HDAC4: variants seen among roughly 807,000 people sequenced by gnomAD.
HDAC4 encodes the protein histone deacetylase A.
In HDAC4, 16 loss-of-function variants were observed where a neutral mutation model predicts 135.1. The ratio of observed to expected loss-of-function variants is 0.12; its 90% CI spans 0.08 to 0.18. The LOEUF is 0.18. HDAC4 is among the 10% of genes least tolerant of loss of function. HDAC4 has a pLI of 1.00. For missense variants in HDAC4, 1,143 were observed against 1,511.8 expected (o/e 0.76, Z 4.05); for synonymous variants, 685 against 653.4 (o/e 1.05, Z -0.74).
At position 239,115,179 on chromosome 2, in the gene HDAC4, C is replaced by T. The variant is rs199929797; in HGVS notation, c.1665G>A (p.Ala555=). The T allele has an allele frequency of 2.5e-5, 40 of 1,611,030 alleles. No homozygotes were observed. The Admixed American group carries it at 3.0e-4, about 12-fold the overall frequency. Residue 555 remains alanine, a synonymous_variant, in exon 13 of 27, where the codon GCG becomes GCA. Transcript: ENST00000543185. This position sits in a 1 kb window ranked among gnomAD's most constrained non-coding sequence, Gnocchi z 6.3. The part of the protein sequence containing the change: ...YLDRLPGQKE[A]HAQAGVQVKQ... Reference sequence around the variant, plus strand: ...TCACCTGCACGCCGGCCTGTGCGTGCGCCTCCTTCTGCCCCGGCAGCCGGT... The same window carrying T: ...TCACCTGCACGCCGGCCTGTGCGTGTGCCTCCTTCTGCCCCGGCAGCCGGT...
chr2:239,157,830 A>C (rs1398137361), intron 6 of HDAC4, among the ~76,000 whole-genome samples: 1 of 152,178 alleles, frequency 6.6e-6, no homozygotes, highest in East Asian at 1.9e-4. Context: ...CAGTGCAAAG[A>C]ATGTGCTGAA....
chr2:239,222,904 AC>A (rs1457283773), intron 3 of HDAC4, among the ~76,000 whole-genome samples: 1 of 152,168 alleles, frequency 6.6e-6, no homozygotes, highest in African/African-American at 2.4e-5. Context: ...AAAACTGGCC[AC>A]ACCTCCTGGA....
intron 14 of HDAC4, among the ~76,000 whole-genome samples, chr2:239,108,531 G>A (rs1313198243): frequency 6.6e-6 from 1 of 152,158 alleles, no homozygotes. Context: ...CCTTGCAGGG[G>A]TGAGCTCTAT....
Position 239,394,574 on chromosome 2 carries a change from C to T in HDAC4, c.-220+6404G>A, listed in dbSNP as rs552929951. ...CTCCCTCCCATTCCTTTCTGCATCA[C>T]AGAATTCCCTCCACTTGCATTTATG... On this transcript the variant is annotated intron_variant, in intron 1 of 26. Transcript: ENST00000543185. Among the ~76,000 whole-genome samples the T allele has an allele frequency of 1.6e-3, 241 of 152,356 alleles. 3 individuals carry two copies. The highest frequency in any genetic ancestry group is 4.0e-3 in the Admixed American group (61 of 15,306).
chr2:239,153,487 C>T (rs368030786), intron 7 of HDAC4, among the ~76,000 whole-genome samples: 49 of 149,974 alleles, frequency 3.3e-4, no homozygotes, highest in African/African-American at 1.1e-3. Context: ...TTAGAATGAG[C>T]GATGTCATGT....
In HDAC4 at chr2:239,052,088, C is replaced by T. The variant is rs570742462; in HGVS notation, c.*1009G>A. On this transcript the variant is annotated 3_prime_UTR_variant, in exon 27 of 27. Transcript: ENST00000543185. ...TCACGACCAGATGGAGATGCTCAAT[C>T]GTATGTGACGTGTGAGAACACTTTG... The T allele has an allele frequency of 1.3e-5, 2 of 152,570 alleles. No individual in the cohort carries two copies. Among genetic ancestry groups the T allele is most frequent in the East Asian group, 1.9e-4 (1 of 5,198 alleles). The allele number at this position is 152,570 out of a possible 1,614,324, so 9.5% of individuals were successfully genotyped here.
chr2:239,087,053 C>T (rs1348860754), intron 19 of HDAC4, among the ~76,000 whole-genome samples: 3 of 152,236 alleles, frequency 2.0e-5, no homozygotes, highest in Non-Finnish European at 4.4e-5. Flanking sequence ...ACTCGCCACC[C>T]TGCCCAGATC....
At chr2:239,107,390 G>A (rs371345056) in intron 15 of HDAC4, among the ~76,000 whole-genome samples, 1 of 152,214 alleles carries the variant, frequency 6.6e-6, no homozygotes, top group Non-Finnish European at 1.5e-5. Context: ...TGGCGGCCAG[G>A]GAAACTGAGG....
intron 2 of HDAC4, among the ~76,000 whole-genome samples, chr2:239,343,061 G>C (rs1163250097): frequency 6.6e-6 from 1 of 152,216 alleles, no homozygotes; most frequent in Non-Finnish European, 1.5e-5. Context: ...TATCACTCCT[G>C]AAGGGCCAGC....
At chr2:239,234,480 C>A (rs1464662650) in intron 3 of HDAC4, among the ~76,000 whole-genome samples, 1 of 152,122 alleles carries the variant, frequency 6.6e-6, no homozygotes, top group Non-Finnish European at 1.5e-5. Context: ...GAGGTCCAGG[C>A]CTTGAACGGG....
At chr2:239,145,685 TGGAGATTTGCACATTAG>T (rs1428947997) in intron 7 of HDAC4, among the ~76,000 whole-genome samples, 3 of 152,212 alleles carry the variant, frequency 2.0e-5, no homozygotes, top group African/African-American at 7.2e-5. Context: ...TTCTACCACT[TGGAGATTTGCACATTAG>T]GGAGATTTTA....
rs748608241 is a variant in HDAC4, at chr2:239,090,045, T to C, written c.2352A>G (p.Val784=). ...GAARLAVGCV[V]ELVFKVATGE... is the part of the protein sequence containing the mutation. Reference sequence around the variant, plus strand: ...CTGTGGCCACCTTGAAGACCAGCTCTACCACGCAGCCCACAGCCAGGCGGG... The same window carrying C: ...CTGTGGCCACCTTGAAGACCAGCTCCACCACGCAGCCCACAGCCAGGCGGG... Residue 784 remains valine (V), a synonymous_variant, in exon 18 of 27, where the codon GTA becomes GTG. Transcript: ENST00000543185. 1 of 1,613,554 alleles carries C rather than the reference T, an allele frequency of 6.2e-7. No individual in the cohort carries two copies. The highest frequency in any genetic ancestry group is 8.5e-7 in the Non-Finnish European group (1 of 1,179,700).
intron 1 of HDAC4, among the ~76,000 whole-genome samples, chr2:239,372,220 C>T (rs1694671942): frequency 6.6e-6 from 1 of 152,200 alleles, no homozygotes; most frequent in Non-Finnish European, 1.5e-5. Context: ...CTGCCCGAGG[C>T]AGCAGGTGGG....
intron 1 of HDAC4, among the ~76,000 whole-genome samples, chr2:239,359,795 AATC>A (rs1455129205): frequency 6.6e-6 from 1 of 152,180 alleles, no homozygotes; most frequent in Non-Finnish European, 1.5e-5. Flanking sequence ...AAGACTCGGG[AATC>A]TGTAGACGAG....
At position 239,051,905 on chromosome 2, in the gene HDAC4, A is replaced by G. The variant is rs921874347; in HGVS notation, c.*1192T>C. 2.0e-5 allele frequency: 3 copies of G among 151,456 alleles called. No homozygotes were observed. Among genetic ancestry groups the G allele is most frequent in the Admixed American group, 6.6e-5 (1 of 15,190 alleles). The allele number at this position is 151,456 out of a possible 1,614,324, so 9.4% of individuals were successfully genotyped here. A position where few individuals can be genotyped will look rare whatever the true frequency, so the allele number is the denominator to read the frequency against. On this transcript the variant is annotated 3_prime_UTR_variant, in exon 27 of 27. Transcript: ENST00000543185. ...ATTATAAATATTTTATCAAGATTTC[A>G]TAAGAATCAAGTAAGTTTCTTAGCT...
chr2:239,180,275 G>C (rs1250558287), intron 4 of HDAC4, among the ~76,000 whole-genome samples: 1 of 152,088 alleles, frequency 6.6e-6, no homozygotes, highest in Non-Finnish European at 1.5e-5. Flanking sequence ...GATCCAGCCT[G>C]CAAAAACAGC....
intron 2 of HDAC4, among the ~76,000 whole-genome samples, chr2:239,239,809 G>C (rs1448315603): frequency 6.6e-6 from 1 of 152,218 alleles, no homozygotes; most frequent in African/African-American, 2.4e-5. Flanking sequence ...GGGTTAATAG[G>C]AAGTGCCTGC....
intron 2 of HDAC4, among the ~76,000 whole-genome samples, chr2:239,350,352 A>T (rs1414716228): frequency 1.3e-5 from 2 of 152,198 alleles, no homozygotes; most frequent in African/African-American, 4.8e-5. Flanking sequence ...TAATCACAGT[A>T]GAAAAATACA....
chr2:239,164,287 G>C (rs1559540785), intron 5 of HDAC4, among the ~76,000 whole-genome samples: 1 of 152,250 alleles, frequency 6.6e-6, no homozygotes. Context: ...CCGCAAAGCA[G>C]AATCTAAGAG....
Sources: gnomAD v4.1 joint callset for allele counts (sites outside exome capture counted in the v4.1 genomes callset) on GRCh38, gnomAD v4.1.1 for gene constraint, Gnocchi (gnomAD v3.1) non-coding constraint, MANE v1.5 for transcripts, NCBI Gene and HGNC (gene_info 2026-07-23, HGNC 2026-07-21) for gene names.